The following PLA2G2C variants were observed in gnomAD, a reference collection of about 807,000 sequenced individuals.
PLA2G2C encodes putative inactive group IIC secretory phospholipase A2.
Under a neutral mutation model 14.3 loss-of-function variants are expected in PLA2G2C, and 15 were observed. That is an observed-to-expected ratio of 1.05 (90% CI 0.70 to 1.62). The LOEUF is 1.62. Among genes scored for constraint, PLA2G2C ranks in the 40% most tolerant of loss-of-function variants. The pLI, the probability that PLA2G2C is intolerant of heterozygous loss-of-function variation, is 0.00. For synonymous variants in PLA2G2C, 79 were observed against 67.7 expected (o/e 1.17, Z -0.82); for missense variants, 162 against 173.2 (o/e 0.94, Z 0.36).
At chr1:20,168,315 T>C (rs2018010634) in intron 4 of PLA2G2C, among the ~76,000 whole-genome samples, 1 of 152,236 alleles carries the variant, frequency 6.6e-6, no homozygotes, top group South Asian at 2.1e-4. Context: ...GTTCCCAACA[T>C]GTGTCTGGTC....
At chr1:20,165,669 T>C (rs1267016466) in intron 4 of PLA2G2C, among the ~76,000 whole-genome samples, 1 of 151,876 alleles carries the variant, frequency 6.6e-6, no homozygotes, top group Non-Finnish European at 1.5e-5. Context: ...TGCATGCACA[T>C]GTGTGTGCAT....
intron 4 of PLA2G2C, among the ~76,000 whole-genome samples, chr1:20,165,894 G>A (rs554587784): frequency 1.3e-5 from 2 of 152,326 alleles, no homozygotes; most frequent in African/African-American, 2.4e-5. Flanking sequence ...ACCCTAGTCC[G>A]CTCTCAGGGT....
chr1:20,176,333 G>A lies in PLA2G2C; in HGVS notation c.40+991C>T, dbSNP rs72663011. Among the ~76,000 whole-genome samples the A allele has an allele frequency of 7.4e-3, 1,124 of 152,202 alleles. 8 individuals are homozygous for A. Among genetic ancestry groups the A allele is most frequent in the Non-Finnish European group, 0.011 (762 of 68,006 alleles). On this transcript the variant is annotated intron_variant, in intron 2 of 4. Coordinates refer to ENST00000679259, the MANE Select transcript of PLA2G2C (RefSeq NM_001367969.2). ...ACATCTGGATGTAGGGAAAAAACTG[G>A]GGTCTGGGGAGGATGAGGAGGAGCT... is the stretch of plus-strand genomic sequence containing the variant.
intron 1 of PLA2G2C, among the ~76,000 whole-genome samples, chr1:20,185,825 G>GCTCTCCCTCTCCCAGACA (rs1553184934): frequency 6.6e-6 from 1 of 152,180 alleles, no homozygotes; most frequent in African/African-American, 2.4e-5. Context: ...CCCGGCCAGG[G>GCTCTCCCTCTCCCAGACA]CTCTCCCTCT....
chr1:20,169,044 C>T (rs947644603), intron 4 of PLA2G2C, among the ~76,000 whole-genome samples: 6 of 152,216 alleles, frequency 3.9e-5, no homozygotes, highest in Admixed American at 6.5e-5. Flanking sequence ...GAGCAGCCCC[C>T]GGTTGCTAGG....
In PLA2G2C at chr1:20,171,110, G is replaced by A. The variant is rs1306316450; in HGVS notation, c.283+1684C>T. 3.5e-5 allele frequency among the ~76,000 whole-genome samples: 5 copies of A among 141,322 alleles called. 1 individual carries two copies. Among genetic ancestry groups the A allele is most frequent in the Non-Finnish European group, 7.7e-5 (5 of 64,832 alleles). 92.7% of individuals were successfully genotyped at this position (141,322 alleles called of 152,430 possible). A position where few individuals can be genotyped will look rare whatever the true frequency, so the allele number is the denominator to read the frequency against. The stretch of plus-strand genomic sequence containing the variant: ...GAGGCTTGGGCTGGGCCAGCCAGGT[G>A]TCCCCACCCCTGTGGCAAAGACAGG... On this transcript the variant is annotated intron_variant, in intron 4 of 4. Transcript: ENST00000679259.
intron 4 of PLA2G2C, 72 bp downstream of exon 4, chr1:20,172,722 G>T: frequency 7.8e-7 from 1 of 1,282,684 alleles, no homozygotes; most frequent in Non-Finnish European, 1.1e-6. Flanking sequence ...AAGATCTCTG[G>T]GTCAAAGAGG....
At position 20,182,864 on chromosome 1, in the gene PLA2G2C, G is replaced by A. The variant is rs529958876; in HGVS notation, c.-77+3496C>T. ...TGTGGGGACAAGCCGCTAAGAAACCGGGGCCCCCGCCTTCAGCAAGCCCCT... is the reference window on the plus strand; with the variant it reads ...TGTGGGGACAAGCCGCTAAGAAACCAGGGCCCCCGCCTTCAGCAAGCCCCT... On this transcript the variant is annotated intron_variant, in intron 1 of 4. Transcript: ENST00000679259. 1.1e-4 allele frequency among the ~76,000 whole-genome samples: 17 copies of A among 152,350 alleles called. 1 individual carries two copies. The highest frequency in any genetic ancestry group is 3.9e-4 in the East Asian group (2 of 5,182).
intron 4 of PLA2G2C, among the ~76,000 whole-genome samples, chr1:20,164,505 G>A (rs183810643): frequency 2.0e-5 from 3 of 152,270 alleles, no homozygotes; most frequent in Admixed American, 1.3e-4. Flanking sequence ...GGCATCCCAC[G>A]AGTGCTGGAG....
Position 20,163,732 on chromosome 1 carries a change from A to C in PLA2G2C, c.*259T>G. On this transcript the variant is annotated 3_prime_UTR_variant, in exon 5 of 5. Coordinates refer to ENST00000679259, the MANE Select transcript of PLA2G2C (RefSeq NM_001367969.2). ...CTTACTTCTATATCCATGCATTTGT[A>C]GTCCTCCCCACTCCACAGAATGCCA... 2.2e-6 allele frequency: 1 copy of C among 464,052 alleles called. No homozygotes were observed. The highest frequency in any genetic ancestry group is 3.9e-5 in the East Asian group (1 of 25,596). 28.7% of individuals were successfully genotyped at this position (464,052 alleles called of 1,614,324 possible).
At chr1:20,181,500 A>C (rs924525978) in intron 1 of PLA2G2C, among the ~76,000 whole-genome samples, 2 of 152,078 alleles carry the variant, frequency 1.3e-5, no homozygotes, top group African/African-American at 4.8e-5. Context: ...GTCTGACTCC[A>C]TAGCTGGCAA....
intron 3 of PLA2G2C, 57 bp from the exon 4 acceptor site, chr1:20,172,954 G>T: frequency 7.6e-7 from 1 of 1,320,158 alleles, no homozygotes; most frequent in Non-Finnish European, 1.1e-6. Context: ...ACTAGAAAGG[G>T]CTCACCTGCC....
At chr1:20,178,520 G>A (rs1408974639) in intron 1 of PLA2G2C, among the ~76,000 whole-genome samples, 1 of 152,132 alleles carries the variant, frequency 6.6e-6, no homozygotes, top group Non-Finnish European at 1.5e-5. Context: ...CTGCGAGGTC[G>A]GGCCCTGACC....
chr1:20,180,918 G>T (rs908076410), intron 1 of PLA2G2C, among the ~76,000 whole-genome samples: 1 of 152,210 alleles, frequency 6.6e-6, no homozygotes, highest in Non-Finnish European at 1.5e-5. Flanking sequence ...ATGAAACACT[G>T]GTTGGCTTTC....
chr1:20,179,219 T>A (rs1176540162), intron 1 of PLA2G2C, among the ~76,000 whole-genome samples: 1 of 149,508 alleles, frequency 6.7e-6, no homozygotes, highest in Non-Finnish European at 1.5e-5. Context: ...TCTCTGTGTG[T>A]GTGTGTGTGT....
chr1:20,183,236 C>T (rs559944755), intron 1 of PLA2G2C, among the ~76,000 whole-genome samples: 4 of 152,332 alleles, frequency 2.6e-5, no homozygotes, highest in African/African-American at 9.6e-5. Context: ...CGGAAACTGA[C>T]ATCCAGCGAA....
intron 1 of PLA2G2C, among the ~76,000 whole-genome samples, chr1:20,183,366 T>A (rs955107478): frequency 5.3e-5 from 8 of 152,090 alleles, no homozygotes; most frequent in African/African-American, 2.4e-5. Context: ...ACAGCACAGA[T>A]AAGGGCCATG....
At chr1:20,177,970 C>A (rs956136867) in intron 1 of PLA2G2C, among the ~76,000 whole-genome samples, 1 of 152,178 alleles carries the variant, frequency 6.6e-6, no homozygotes, top group African/African-American at 2.4e-5. Flanking sequence ...TGGTTTGACC[C>A]TTACAACTCC....
intron 1 of PLA2G2C, among the ~76,000 whole-genome samples, chr1:20,179,564 A>AGCTTCTCCCTCTATGCTG (rs2018244449): frequency 8.7e-6 from 1 of 115,136 alleles, no homozygotes; most frequent in Non-Finnish European, 1.7e-5. Context: ...CCTCTGTGTC[A>AGCTTCTCCCTCTATGCTG]GCTTCTCCCT....
Sources: allele counts gnomAD v4.1 joint callset (sites outside exome capture counted in the v4.1 genomes callset), GRCh38; gene constraint gnomAD v4.1.1; transcripts MANE v1.5; gene names NCBI Gene and HGNC (gene_info 2026-07-23, HGNC 2026-07-21).